ETFA: variants seen among roughly 807,000 people sequenced by gnomAD.
The protein encoded by ETFA is electron transfer flavoprotein subunit alpha, mitochondrial.
Under a neutral mutation model 46.2 loss-of-function variants are expected in ETFA, and 22 were observed. The observed-to-expected ratio is 0.48, with a 90% CI of 0.34 to 0.68. The LOEUF (loss-of-function observed/expected upper bound fraction) is 0.68, where lower values mean the gene tolerates loss of function less well. Among genes scored for constraint, ETFA ranks in the 30% least tolerant of loss-of-function variants. ETFA has a pLI of 0.01. For missense variants in ETFA, 345 were observed against 401.1 expected, an observed-to-expected ratio of 0.86 and a Z score of 1.19; for synonymous variants, 131 against 139.9, an observed-to-expected ratio of 0.94 and a Z score of 0.45.
chr15:76,285,903 A>G (rs2039700920), intron 6 of ETFA, among the ~76,000 whole-genome samples, 165 bp from the exon 7 acceptor site: 1 of 152,254 alleles, frequency 6.6e-6, no homozygotes, highest in South Asian at 2.1e-4. Context: ...GAAAGACTTA[A>G]GGAGACTAGA....
intron 11 of ETFA, among the ~76,000 whole-genome samples, chr15:76,218,304 G>A (rs889338438): frequency 1.3e-5 from 2 of 151,672 alleles, no homozygotes; most frequent in African/African-American, 4.8e-5. Flanking sequence ...TTTTGCTCTT[G>A]TTGCCCAGGC....
intron 11 of ETFA, among the ~76,000 whole-genome samples, chr15:76,216,811 A>G (rs534875629): frequency 3.4e-5 from 5 of 146,140 alleles, no homozygotes; most frequent in African/African-American, 1.0e-4. Flanking sequence ...CAGGGCTTAC[A>G]GCCCACTCAT....
intron 1 of ETFA, 111 bp downstream of exon 1, chr15:76,311,239 G>A (rs1424899286): frequency 9.2e-6 from 12 of 1,304,284 alleles, no homozygotes; most frequent in Non-Finnish European, 1.2e-5. Context: ...CCGGCCTGCG[G>A]GCGCGAGGGC....
At chr15:76,267,570 T>C (rs2039483748) in intron 9 of ETFA, among the ~76,000 whole-genome samples, 1 of 152,158 alleles carries the variant, frequency 6.6e-6, no homozygotes, top group Admixed American at 6.6e-5. Flanking sequence ...ATGGATCTAC[T>C]AATGGAAAAG....
In ETFA at chr15:76,226,424, A is replaced by G. The variant is rs143115278; in HGVS notation, c.883-495T>C. On this transcript the variant is annotated intron_variant, in intron 10 of 11. Coordinates refer to ENST00000557943, the MANE Select transcript of ETFA (RefSeq NM_000126.4). ...ACAGGGTAAAACCTGTCTCTACTAA[A>G]AATACAAACATTAGCCAGGCATGGT... 800 of 162,914 alleles carry G rather than the reference A, an allele frequency of 4.9e-3. 8 individuals are homozygous for G. The highest frequency in any genetic ancestry group is 0.018 in the African/African-American group (733 of 41,572). 10.1% of individuals were successfully genotyped at this position (162,914 alleles called of 1,614,324 possible).
chr15:76,228,623 T>C (rs1446620652), intron 10 of ETFA, among the ~76,000 whole-genome samples: 1 of 152,156 alleles, frequency 6.6e-6, no homozygotes, highest in Non-Finnish European at 1.5e-5. Flanking sequence ...AATAATCAAT[T>C]GTAAAGAACT....
chr15:76,219,667 G>A (rs1042005283), intron 11 of ETFA, among the ~76,000 whole-genome samples: 1 of 152,150 alleles, frequency 6.6e-6, no homozygotes, highest in Non-Finnish European at 1.5e-5. Flanking sequence ...CAAAAGAGGT[G>A]GATAAACACT....
chr15:76,273,002 G>A (rs1265578442), intron 9 of ETFA, among the ~76,000 whole-genome samples: 1 of 151,728 alleles, frequency 6.6e-6, no homozygotes, highest in Non-Finnish European at 1.5e-5. Context: ...CTTCTTTTCT[G>A]ACTTCTTTTC....
intron 9 of ETFA, among the ~76,000 whole-genome samples, chr15:76,266,898 C>T (rs560887257): frequency 1.6e-4 from 22 of 136,276 alleles, no homozygotes; most frequent in African/African-American, 4.8e-4. Context: ...AGCGAGACTC[C>T]GTTTAAAAAA....
chr15:76,307,685 T>C (rs1307949693), intron 1 of ETFA, among the ~76,000 whole-genome samples: 1 of 151,840 alleles, frequency 6.6e-6, no homozygotes, highest in Non-Finnish European at 1.5e-5. Context: ...GGTTTCGCCA[T>C]GTTGCGCAGG....
chr15:76,216,741 C>T, intron 11 of ETFA, 144 bp from the exon 12 acceptor site: 1 of 655,682 alleles, frequency 1.5e-6, no homozygotes, highest in Non-Finnish European at 2.8e-6. Flanking sequence ...CACCAGGAAC[C>T]CCCTGTTCTC....
chr15:76,258,966 T>C, intron 9 of ETFA: 1 of 1,569,222 alleles, frequency 6.4e-7, no homozygotes, highest in South Asian at 1.1e-5. Flanking sequence ...CAAATTGCCC[T>C]GATGCCCTCT....
intron 9 of ETFA, among the ~76,000 whole-genome samples, chr15:76,266,186 T>C (rs926203192): frequency 1.3e-5 from 2 of 152,182 alleles, no homozygotes; most frequent in African/African-American, 2.4e-5. Flanking sequence ...TCCCCAACAA[T>C]GACTCCAAAA....
intron 11 of ETFA, among the ~76,000 whole-genome samples, chr15:76,220,465 T>C (rs1418945125): frequency 6.6e-6 from 1 of 152,208 alleles, no homozygotes; most frequent in Non-Finnish European, 1.5e-5. Context: ...TTAAAACTTT[T>C]TCTCCCCCTT....
chr15:76,254,763 A>C (rs753190847), intron 9 of ETFA, among the ~76,000 whole-genome samples: 34 of 152,174 alleles, frequency 2.2e-4, no homozygotes, highest in Non-Finnish European at 2.9e-5. Context: ...AAAAGTTTTT[A>C]AGGTAGTTGA....
intron 4 of ETFA, among the ~76,000 whole-genome samples, chr15:76,289,708 T>C (rs567432722): frequency 4.6e-5 from 7 of 152,358 alleles, no homozygotes; most frequent in African/African-American, 1.7e-4. Context: ...AGTATAAAAG[T>C]GTGTTATCTC....
At chr15:76,255,641 T>C (rs1015120130) in intron 9 of ETFA, among the ~76,000 whole-genome samples, 2 of 152,232 alleles carry the variant, frequency 1.3e-5, no homozygotes, top group African/African-American at 2.4e-5. Flanking sequence ...CTGTGTTTCC[T>C]GCTTTACTTC....
At chr15:76,273,265 A>G (rs1276090920) in intron 9 of ETFA, among the ~76,000 whole-genome samples, 1 of 152,174 alleles carries the variant, frequency 6.6e-6, no homozygotes, top group Non-Finnish European at 1.5e-5. Flanking sequence ...ATACTTCGAA[A>G]CAAACTTCAG....
intron 9 of ETFA, chr15:76,245,294 AT>A: frequency 6.6e-6 from 1 of 152,302 alleles, no homozygotes; most frequent in Non-Finnish European, 1.5e-5. Context: ...GCACTCACAT[AT>A]GAATATTTTA....
Sources: allele counts gnomAD v4.1 joint callset (sites outside exome capture counted in the v4.1 genomes callset), GRCh38; gene constraint gnomAD v4.1.1; transcripts MANE v1.5; gene names NCBI Gene and HGNC (gene_info 2026-07-23, HGNC 2026-07-21).